The following SHC4 variants were observed in gnomAD, a reference collection of about 807,000 sequenced individuals.
SHC4 encodes SHC-transforming protein 4.
In SHC4, 41 loss-of-function variants were observed where a neutral mutation model predicts 69.4. That is an observed-to-expected ratio of 0.59 (90% CI 0.46 to 0.77). SHC4 has a LOEUF of 0.77. SHC4 is among the 30% of genes least tolerant of loss of function. The pLI is 0.00. For missense variants in SHC4, 777 were observed against 783.8 expected, an observed-to-expected ratio of 0.99 and a Z score of 0.10; for synonymous variants, 318 against 299.3, an observed-to-expected ratio of 1.06 and a Z score of -0.64.
intron 11 of SHC4, among the ~76,000 whole-genome samples, chr15:48,826,929 A>G (rs999246112): frequency 1.3e-5 from 2 of 152,218 alleles, no homozygotes; most frequent in African/African-American, 2.4e-5. Context: ...GCTGATTCAC[A>G]GATATTTGTT....
intron 1 of SHC4, among the ~76,000 whole-genome samples, chr15:48,954,016 G>A (rs1479328702): frequency 6.6e-6 from 1 of 152,204 alleles, no homozygotes; most frequent in Non-Finnish European, 1.5e-5. Flanking sequence ...GAATCACTGA[G>A]CAGTTGTTTA....
intron 11 of SHC4, among the ~76,000 whole-genome samples, chr15:48,828,892 G>C (rs533872074): frequency 3.3e-5 from 5 of 152,064 alleles, no homozygotes; most frequent in Non-Finnish European, 7.4e-5. Context: ...AGTTGTAGGC[G>C]TTCCTTATAT....
chr15:48,936,552 C>T (rs1367811731), intron 1 of SHC4, among the ~76,000 whole-genome samples: 1 of 152,126 alleles, frequency 6.6e-6, no homozygotes, highest in Non-Finnish European at 1.5e-5. Flanking sequence ...GTAAGCTGAA[C>T]CAAGCTTGTG....
At chr15:48,880,918 A>T (rs1220329103) in intron 4 of SHC4, among the ~76,000 whole-genome samples, 1 of 152,012 alleles carries the variant, frequency 6.6e-6, no homozygotes, top group Non-Finnish European at 1.5e-5. Flanking sequence ...CTCATGTCCT[A>T]AACTGAAAAT....
chr15:48,826,010 T>C lies in SHC4; in HGVS notation c.1854A>G (p.Arg618=). Residue 618 remains arginine (R), a synonymous_variant, in exon 12 of 12, where the codon AGA becomes AGG. Transcript: ENST00000332408. ...GSEVSLKQPV[R]KDNNPALLHS... is the part of the protein sequence containing the mutation. Reference sequence around the variant, plus strand: ...GCAAAAGTGCTGGATTATTATCTTTTCTCACTGGTTGTTTAAGGCTTACTT... The same window carrying C: ...GCAAAAGTGCTGGATTATTATCTTTCCTCACTGGTTGTTTAAGGCTTACTT... 1 of 1,614,010 alleles carries C rather than the reference T, an allele frequency of 6.2e-7. No homozygotes were observed. The highest frequency in any genetic ancestry group is 8.5e-7 in the Non-Finnish European group (1 of 1,179,948).
Position 48,963,834 on chromosome 15 carries a change from A to T in SHC4, c.-819T>A, listed in dbSNP as rs942326449. 4.6e-5 allele frequency among the ~76,000 whole-genome samples: 7 copies of T among 152,192 alleles called. No homozygotes were observed. The highest frequency in any genetic ancestry group is 1.7e-4 in the African/African-American group (7 of 41,446). Reference sequence around the variant, plus strand: ...GCAGCCGAAAGCTGAGATGTGCAGGATGATACGCAGCGTGTTGAAATTTTT... The same window carrying T: ...GCAGCCGAAAGCTGAGATGTGCAGGTTGATACGCAGCGTGTTGAAATTTTT... On this transcript the variant is annotated 5_prime_UTR_variant, in exon 1 of 12. Coordinates refer to ENST00000332408, the MANE Select transcript of SHC4 (RefSeq NM_203349.4).
At chr15:48,892,645 T>C (rs919840080) in intron 2 of SHC4, among the ~76,000 whole-genome samples, 2 of 152,106 alleles carry the variant, frequency 1.3e-5, no homozygotes, top group African/African-American at 4.8e-5. Context: ...TAAAGAGGTA[T>C]TATAAGATAG....
chr15:48,915,364 C>A (rs1180016019), intron 2 of SHC4, among the ~76,000 whole-genome samples: 3 of 152,100 alleles, frequency 2.0e-5, no homozygotes, highest in Non-Finnish European at 4.4e-5. Flanking sequence ...ATGACTAGAT[C>A]TTTGAAGGCT....
chr15:48,912,827 C>T (rs1263552657), intron 2 of SHC4, among the ~76,000 whole-genome samples: 1 of 152,174 alleles, frequency 6.6e-6, no homozygotes, highest in African/African-American at 2.4e-5. Context: ...GATGTGGCTT[C>T]CTGTGAGCCG....
At chr15:48,840,661 T>C (rs752531884) in intron 10 of SHC4, among the ~76,000 whole-genome samples, 7 of 152,180 alleles carry the variant, frequency 4.6e-5, no homozygotes, top group Non-Finnish European at 7.4e-5. Context: ...ATCTCTTTAT[T>C]ACTAGACAGG....
chr15:48,879,810 G>A (rs1343646678), intron 4 of SHC4: 7 of 166,986 alleles, frequency 4.2e-5, no homozygotes, highest in Non-Finnish European at 2.9e-5. Flanking sequence ...TGTGTATTTT[G>A]TTTGGCTAAT....
chr15:48,849,984 C>G (rs561259195), intron 9 of SHC4, among the ~76,000 whole-genome samples: 56 of 152,292 alleles, frequency 3.7e-4, no homozygotes, highest in African/African-American at 1.2e-3. Context: ...AGGTGGATCA[C>G]TTGAGGTCAG....
At chr15:48,906,781 T>C (rs12232359) in intron 2 of SHC4, among the ~76,000 whole-genome samples, 22,908 of 152,128 alleles carry the variant, frequency 0.15, 1,913 homozygotes, top group African/African-American at 0.21. Context: ...AGGAATTCCC[T>C]TTTTTGCTTA....
At chr15:48,899,799 T>C (rs752979189) in intron 2 of SHC4, among the ~76,000 whole-genome samples, 1 of 152,156 alleles carries the variant, frequency 6.6e-6, no homozygotes, top group Non-Finnish European at 1.5e-5. Flanking sequence ...GATCAAACTG[T>C]AAAGTTCTTA....
At chr15:48,909,056 T>A (rs1246510095) in intron 2 of SHC4, among the ~76,000 whole-genome samples, 1 of 152,206 alleles carries the variant, frequency 6.6e-6, no homozygotes, top group African/African-American at 2.4e-5. Context: ...CATAGGAATT[T>A]TAGAATTGTT....
Position 48,858,481 on chromosome 15 carries a change from T to C in SHC4, c.947-666A>G, listed in dbSNP as rs149275216. 5.9e-4 allele frequency among the ~76,000 whole-genome samples: 90 copies of C among 152,334 alleles called. 1 individual carries two copies. In the East Asian group the frequency reaches 0.015, roughly 25 times the overall value. Reference sequence around the variant, plus strand: ...ATATGAGAGTTTATATTAGATACTTTTTCTGAGGCACAGTTACCAGGAAGG... The same window carrying C: ...ATATGAGAGTTTATATTAGATACTTCTTCTGAGGCACAGTTACCAGGAAGG... On this transcript the variant is annotated intron_variant, in intron 6 of 11. Coordinates refer to ENST00000332408, the MANE Select transcript of SHC4 (RefSeq NM_203349.4).
intron 2 of SHC4, among the ~76,000 whole-genome samples, chr15:48,903,281 C>G (rs920164804): frequency 2.0e-5 from 3 of 152,204 alleles, no homozygotes; most frequent in Non-Finnish European, 4.4e-5. Context: ...AACTGTCCTG[C>G]ATTTACTTTG....
chr15:48,927,875 A>G (rs997587554), intron 1 of SHC4, among the ~76,000 whole-genome samples: 5 of 152,138 alleles, frequency 3.3e-5, no homozygotes, highest in African/African-American at 1.2e-4. Flanking sequence ...TTATTGGTTT[A>G]CTTGTTAATT....
intron 1 of SHC4, among the ~76,000 whole-genome samples, chr15:48,950,457 C>T (rs1006349627): frequency 1.3e-5 from 2 of 151,970 alleles, no homozygotes; most frequent in African/African-American, 4.8e-5. Context: ...ATATCATTTT[C>T]TACCTTGTAT....
Sources: allele counts gnomAD v4.1 joint callset (sites outside exome capture counted in the v4.1 genomes callset), GRCh38; gene constraint gnomAD v4.1.1; transcripts MANE v1.5; gene names NCBI Gene and HGNC (gene_info 2026-07-23, HGNC 2026-07-21).